ACSBG1: variants seen among roughly 807,000 people sequenced by gnomAD.
ACSBG1 encodes the protein acyl-CoA synthetase bubblegum family member 1.
In ACSBG1, 39 loss-of-function variants were observed where a neutral mutation model predicts 80.2. That is an observed-to-expected ratio of 0.49 (90% confidence interval 0.38 to 0.64). The LOEUF (loss-of-function observed/expected upper bound fraction) is 0.64, where lower values mean the gene tolerates loss of function less well. Ranked by LOEUF, ACSBG1 falls within the 30% of genes least tolerant of loss-of-function variation. The pLI is 0.00. For synonymous variants in ACSBG1, 392 were observed against 379.5 expected, an observed-to-expected ratio of 1.03 and a Z score of -0.38; for missense variants, 828 against 966.4, an observed-to-expected ratio of 0.86 and a Z score of 1.90.
Position 78,179,831 on chromosome 15 carries a change from A to ACACACACC in ACSBG1, c.1254-52_1254-51insGGTGTGTG, listed in dbSNP as rs749625724. ...CAGAAGAAATCACACACACACACAC[A>ACACACACC]CACACACACACATACACACATTAAA... On this transcript the variant is annotated intron_variant, in intron 9 of 13. Coordinates refer to ENST00000258873, the MANE Select transcript of ACSBG1 (RefSeq NM_015162.5). The ACACACACC allele has an allele frequency of 8.3e-6, 11 of 1,321,444 alleles. No homozygotes were observed. In the Admixed American group the frequency reaches 1.1e-4, roughly 13 times the overall value. The allele number at this position is 1,321,444 out of a possible 1,614,324, so 81.9% of individuals were successfully genotyped here.
At position 78,178,463 on chromosome 15, in the gene ACSBG1, T is replaced by A. The variant is rs2074905189; in HGVS notation, c.1702+151A>T. On this transcript the variant is annotated intron_variant, in intron 11 of 13. Transcript: ENST00000258873. The surrounding 1 kb of genome is among the most constrained non-coding windows in gnomAD (Gnocchi z 4.3). ...ACAGGTGCATGCCACCACGCCCAGC[T>A]AATTTTTCGTGTGTTTTTAGTAGAG... The A allele has an allele frequency of 3.6e-6, 3 of 836,512 alleles. No homozygotes were observed. The African/African-American group carries it at 5.2e-5, about 14-fold the overall frequency. The allele number at this position is 836,512 out of a possible 1,614,324, so 51.8% of individuals were successfully genotyped here. A position where few individuals can be genotyped will look rare whatever the true frequency, so the allele number is the denominator to read the frequency against.
chr15:78,205,079 G>A (rs996291614), intron 2 of ACSBG1, among the ~76,000 whole-genome samples: 5 of 151,988 alleles, frequency 3.3e-5, no homozygotes, highest in Non-Finnish European at 7.4e-5. Flanking sequence ...CTCACCCCGG[G>A]TGCCCTCCCC....
intron 2 of ACSBG1, among the ~76,000 whole-genome samples, chr15:78,207,530 T>C (rs1373633709): frequency 6.6e-6 from 1 of 152,142 alleles, no homozygotes; most frequent in Non-Finnish European, 1.5e-5. Flanking sequence ...AATTATTTGA[T>C]GGTGGAGATC....
At chr15:78,215,758 G>GAA (rs1245963830) in intron 1 of ACSBG1, among the ~76,000 whole-genome samples, 2 of 148,922 alleles carry the variant, frequency 1.3e-5, no homozygotes, top group African/African-American at 2.5e-5. Context: ...AAGAAAGAAA[G>GAA]AAAGAAAGAA....
At chr15:78,205,582 C>CT (rs1443968319) in intron 2 of ACSBG1, among the ~76,000 whole-genome samples, 1 of 152,228 alleles carries the variant, frequency 6.6e-6, no homozygotes, top group African/African-American at 2.4e-5. Flanking sequence ...CACTAACCCT[C>CT]TCTGAGCTCC....
intron 13 of ACSBG1, 72 bp from the exon 14 acceptor site, chr15:78,171,601 T>A: frequency 8.1e-7 from 1 of 1,238,246 alleles, no homozygotes; most frequent in Non-Finnish European, 1.2e-6. Flanking sequence ...TGGTAAAGAC[T>A]CACACTCAGT....
chr15:78,233,555 G>T (rs1377883648), intron 1 of ACSBG1, among the ~76,000 whole-genome samples: 2 of 152,112 alleles, frequency 1.3e-5, no homozygotes, highest in African/African-American at 4.8e-5. Flanking sequence ...CGTTCTCTCT[G>T]CCCACTGCTC....
intron 8 of ACSBG1, among the ~76,000 whole-genome samples, chr15:78,181,496 T>C (rs1386849778): frequency 2.8e-5 from 4 of 142,322 alleles, no homozygotes; most frequent in African/African-American, 5.2e-5. Flanking sequence ...TTTCTTTTTT[T>C]TTTTTTTTTT....
Position 78,193,861 on chromosome 15 carries a change from A to G in ACSBG1, c.542+71T>C, listed in dbSNP as rs1595888914. 6 of 1,558,848 alleles carry G rather than the reference A, an allele frequency of 3.8e-6. No homozygotes were observed. In the East Asian group the frequency reaches 1.2e-4, roughly 31 times the overall value. ...AGTGGGTGGGGGCTGCTAAAAAGAGATAAGGACCCTCCCCTACCCTCTGCC... is the reference window on the plus strand; with the variant it reads ...AGTGGGTGGGGGCTGCTAAAAAGAGGTAAGGACCCTCCCCTACCCTCTGCC... On this transcript the variant is annotated intron_variant, in intron 4 of 13. Coordinates refer to ENST00000258873, the MANE Select transcript of ACSBG1 (RefSeq NM_015162.5).
At chr15:78,179,990 G>A (rs2074925519) in intron 9 of ACSBG1, among the ~76,000 whole-genome samples, 1 of 152,182 alleles carries the variant, frequency 6.6e-6, no homozygotes, top group East Asian at 1.9e-4. Flanking sequence ...ACATGGTTGT[G>A]TGCAAATATG....
chr15:78,196,567 G>C (rs2075116449), intron 2 of ACSBG1, among the ~76,000 whole-genome samples: 1 of 152,148 alleles, frequency 6.6e-6, no homozygotes, highest in Non-Finnish European at 1.5e-5. Flanking sequence ...TTCTTAAAGA[G>C]TTAAACATAA....
At chr15:78,227,127 G>A (rs140353148) in intron 1 of ACSBG1, among the ~76,000 whole-genome samples, 8 of 146,518 alleles carry the variant, frequency 5.5e-5, no homozygotes, top group African/African-American at 7.6e-5. Context: ...GCTGAGCCAC[G>A]AGAATTGCTT....
chr15:78,194,228 G>A (rs979966361), intron 3 of ACSBG1, among the ~76,000 whole-genome samples: 10 of 152,218 alleles, frequency 6.6e-5, no homozygotes, highest in African/African-American at 1.9e-4. Context: ...GAGTCTGTCC[G>A]GCCCCTCAGC....
At chr15:78,208,173 G>A (rs142696010) in intron 1 of ACSBG1, 71 bp from the exon 2 acceptor site, 17 of 1,172,406 alleles carry the variant, frequency 1.5e-5, no homozygotes, top group East Asian at 5.0e-5. Flanking sequence ...TAGGGACTCC[G>A]GCCTGGCACA....
Position 78,178,647 on chromosome 15 carries a change from C to T in ACSBG1, c.1669G>A (p.Asp557Asn), listed in dbSNP as rs1303683057. The part of the protein sequence containing the change: ...HTGDAGRLDA[D>N]GFLYITGRLK... ...CGCCCAGTGATGTAGAGGAAGCCAT[C>T]GGCGTCCAGGCGGCCAGCATCACCC... Residue 557 changes from aspartate (D) to asparagine (N), a missense_variant, in exon 11 of 14, where the codon GAT (aspartate) becomes AAT (asparagine). By Grantham distance (23) the Asp-to-Asn change is conservative (BLOSUM62 1). Coordinates refer to ENST00000258873, the MANE Select transcript of ACSBG1 (RefSeq NM_015162.5). The surrounding 1 kb of genome is among the most constrained non-coding windows in gnomAD (Gnocchi z 4.3). The T allele has an allele frequency of 1.1e-5, 17 of 1,613,288 alleles. No homozygotes were observed. Among genetic ancestry groups the T allele is most frequent in the African/African-American group, 2.7e-5 (2 of 74,942 alleles).
chr15:78,225,584 T>C (rs894325169), intron 1 of ACSBG1, among the ~76,000 whole-genome samples: 2 of 152,098 alleles, frequency 1.3e-5, no homozygotes, highest in African/African-American at 4.8e-5. Context: ...TTAATGGAAA[T>C]GCATACCATG....
intron 1 of ACSBG1, chr15:78,213,573 G>C (rs1218980932): frequency 2.0e-5 from 3 of 152,704 alleles, no homozygotes; most frequent in Admixed American, 1.3e-4. Context: ...GGCATGAGTG[G>C]GGACCCGCCC....
Position 78,171,436 on chromosome 15 carries a change from G to C in ACSBG1, c.*8C>G, listed in dbSNP as rs1216247687. On this transcript the variant is annotated 3_prime_UTR_variant, in exon 14 of 14. Coordinates refer to ENST00000258873, the MANE Select transcript of ACSBG1 (RefSeq NM_015162.5). ...CTATTCTATAGAAACTGCAGGCATA[G>C]GCCCTGATTACATTTTTTGCTCTTG... 6.2e-7 allele frequency: 1 copy of C among 1,612,438 alleles called. No homozygotes were observed. The highest frequency in any genetic ancestry group is 1.7e-5 in the Admixed American group (1 of 60,004).
At chr15:78,189,438 T>C (rs2075036846) in intron 5 of ACSBG1, among the ~76,000 whole-genome samples, 1 of 151,520 alleles carries the variant, frequency 6.6e-6, no homozygotes, top group South Asian at 2.1e-4. Flanking sequence ...CCAACAATGA[T>C]AGACTGGATT....
Sources: allele counts gnomAD v4.1 joint callset (sites outside exome capture counted in the v4.1 genomes callset), GRCh38; gene constraint gnomAD v4.1.1; non-coding constraint Gnocchi (gnomAD v3.1); transcripts MANE v1.5; gene names NCBI Gene and HGNC (gene_info 2026-07-23, HGNC 2026-07-21).